CTDSP2: variants seen among roughly 807,000 people sequenced by gnomAD.
The protein encoded by CTDSP2 is carboxy-terminal domain RNA polymerase II polypeptide A small phosphatase 2.
In CTDSP2, 9 loss-of-function variants were observed where a neutral mutation model predicts 31.6. The observed-to-expected ratio is 0.28, with a 90% CI of 0.17 to 0.50. CTDSP2 has a LOEUF of 0.50. CTDSP2 is among the 20% of genes least tolerant of loss of function. The pLI is 0.98. For missense variants in CTDSP2, 267 were observed against 348.5 expected (o/e 0.77, Z 1.86); for synonymous variants, 134 against 134.5 (o/e 1.00, Z 0.03).
At chr12:57,828,620 T>C (rs961254124) in intron 2 of CTDSP2, among the ~76,000 whole-genome samples, 3 of 152,242 alleles carry the variant, frequency 2.0e-5, no homozygotes, top group African/African-American at 4.8e-5. Context: ...TACTTCTCCA[T>C]GTTATTGAGA....
intron 1 of CTDSP2, among the ~76,000 whole-genome samples, chr12:57,831,324 G>A (rs954206330): frequency 6.6e-6 from 1 of 151,866 alleles, no homozygotes; most frequent in East Asian, 2.0e-4. Context: ...CGTGTGGCAC[G>A]CGCTTGTAAT....
At position 57,824,432 on chromosome 12, in the gene CTDSP2, C is replaced by G. The variant is rs1036968797; in HGVS notation, c.412-113G>C. 5 of 807,292 alleles carry G rather than the reference C, an allele frequency of 6.2e-6. No individual in the cohort carries two copies. The Admixed American group carries it at 9.9e-5, about 16-fold the overall frequency. 50.0% of individuals were successfully genotyped at this position (807,292 alleles called of 1,614,324 possible). On this transcript the variant is annotated intron_variant, in intron 5 of 7. Coordinates refer to ENST00000398073, the MANE Select transcript of CTDSP2 (RefSeq NM_005730.4). The stretch of plus-strand genomic sequence containing the variant: ...GGAGCTCTCAACCCCTGCAGCCCAG[C>G]CTCCTGGGCTACCTGGCTGGAAGCC...
chr12:57,828,592 C>T (rs1956197550), intron 2 of CTDSP2, among the ~76,000 whole-genome samples: 1 of 152,218 alleles, frequency 6.6e-6, no homozygotes, highest in Non-Finnish European at 1.5e-5. Flanking sequence ...TGCCTTTTTA[C>T]TTAATGTTGC....
chr12:57,842,450 C>A (rs1956288245), intron 1 of CTDSP2: 1 of 152,198 alleles, frequency 6.6e-6, no homozygotes, highest in Admixed American at 6.5e-5. Flanking sequence ...CTGCCATCCT[C>A]CGAGGGATTT....
chr12:57,846,339 C>T (rs1481299836), intron 1 of CTDSP2, 33 bp downstream of exon 1: 2 of 1,582,542 alleles, frequency 1.3e-6, no homozygotes, highest in Admixed American at 1.8e-5. Context: ...CGCCCGGGGG[C>T]GACGCAAAGT....
Position 57,826,410 on chromosome 12 carries a change from G to A in CTDSP2, c.355-8C>T, listed in dbSNP as rs1415909955. Reference sequence around the variant, plus strand: ...GTCAGCATTGTTGATTGGCTGGAAGGCAGAAAAGTTAATGCTGTCAGCATG... The same window carrying A: ...GTCAGCATTGTTGATTGGCTGGAAGACAGAAAAGTTAATGCTGTCAGCATG... On this transcript the variant is annotated splice_polypyrimidine_tract_variant and splice_region_variant and intron_variant, in intron 4 of 7. Coordinates refer to ENST00000398073, the MANE Select transcript of CTDSP2 (RefSeq NM_005730.4). 6.2e-7 allele frequency: 1 copy of A among 1,614,008 alleles called. No homozygotes were observed. Among genetic ancestry groups the A allele is most frequent in the Non-Finnish European group, 8.5e-7 (1 of 1,179,880 alleles).
Position 57,826,979 on chromosome 12 carries a change from TC to T in CTDSP2, c.354+16del, listed in dbSNP as rs751024642. The stretch of plus-strand genomic sequence containing the variant: ...GGCCCAAGATAAAGGTAGGAAGGGT[TC>T]CAGACATTGAGTTACCTTAAAGGAG... On this transcript the variant is annotated intron_variant, in intron 4 of 7. Transcript: ENST00000398073. The T allele has an allele frequency of 3.7e-5, 58 of 1,580,496 alleles. No individual in the cohort carries two copies. Among genetic ancestry groups the T allele is most frequent in the Non-Finnish European group, 4.8e-5 (55 of 1,151,456 alleles).
At chr12:57,845,132 A>G (rs926116735) in intron 1 of CTDSP2, among the ~76,000 whole-genome samples, 18 of 152,134 alleles carry the variant, frequency 1.2e-4, no homozygotes, top group African/African-American at 4.3e-4. Flanking sequence ...GTTCAACTGC[A>G]GCACCGGCCC....
chr12:57,840,580 C>T (rs895376240), intron 1 of CTDSP2, among the ~76,000 whole-genome samples: 1 of 152,122 alleles, frequency 6.6e-6, no homozygotes, highest in Admixed American at 6.6e-5. Flanking sequence ...GGAAGCCTTC[C>T]GCAGGCAATT....
At chr12:57,827,214 G>C (rs992220307) in intron 3 of CTDSP2, 117 bp from the exon 4 acceptor site, 4 of 732,490 alleles carry the variant, frequency 5.5e-6, no homozygotes, top group African/African-American at 5.2e-5. Context: ...ACCCAGGATA[G>C]GCACCACTTA....
chr12:57,845,138 G>C (rs1268333979), intron 1 of CTDSP2, among the ~76,000 whole-genome samples: 1 of 152,160 alleles, frequency 6.6e-6, no homozygotes, highest in African/African-American at 2.4e-5. Context: ...CTGCAGCACC[G>C]GCCCTTCGCG....
chr12:57,837,362 GC>G (rs1424158413), intron 1 of CTDSP2: 1 of 152,232 alleles, frequency 6.6e-6, no homozygotes, highest in African/African-American at 2.4e-5. Context: ...GCCGGACCCA[GC>G]TTAGCACCGG....
chr12:57,832,968 C>T (rs1956225843), intron 1 of CTDSP2, among the ~76,000 whole-genome samples: 1 of 152,108 alleles, frequency 6.6e-6, no homozygotes, highest in Admixed American at 6.6e-5. Context: ...TCAGGACAGA[C>T]GCTGACACAA....
rs1956189924 is a variant in CTDSP2, at chr12:57,827,479, CA to C, written c.252+72del. 37 of 1,532,962 alleles carry C rather than the reference CA, an allele frequency of 2.4e-5. 1 individual carries two copies. The highest frequency in any genetic ancestry group is 3.3e-5 in the Non-Finnish European group (36 of 1,107,250). 95.0% of individuals were successfully genotyped at this position (1,532,962 alleles called of 1,614,324 possible). ...GCTAGGCACCAAGGACTATGCACAT[CA>C]CCCTGCCCGTGGAGCTGGCAGGGAT... On this transcript the variant is annotated intron_variant, in intron 3 of 7. Coordinates refer to ENST00000398073, the MANE Select transcript of CTDSP2 (RefSeq NM_005730.4).
At chr12:57,831,186 T>A (rs1356061328) in intron 1 of CTDSP2, among the ~76,000 whole-genome samples, 6 of 149,462 alleles carry the variant, frequency 4.0e-5, no homozygotes, top group Admixed American at 4.0e-4. Flanking sequence ...CTGGGTGTGG[T>A]GGCTCACGCC....
At chr12:57,830,758 AT>A (rs1422386488) in intron 1 of CTDSP2, among the ~76,000 whole-genome samples, 1 of 151,886 alleles carries the variant, frequency 6.6e-6, no homozygotes, top group African/African-American at 2.4e-5. Flanking sequence ...TGATTTATTT[AT>A]TTTTTTGAGA....
At chr12:57,829,416 T>C (rs1308110699) in intron 2 of CTDSP2, 32 bp downstream of exon 2, 11 of 1,607,148 alleles carry the variant, frequency 6.8e-6, no homozygotes, top group African/African-American at 1.3e-5. Flanking sequence ...AGTCCCTTCA[T>C]TGCTGGCATC....
At chr12:57,834,408 A>G (rs895060885) in intron 1 of CTDSP2, among the ~76,000 whole-genome samples, 19 of 152,112 alleles carry the variant, frequency 1.2e-4, no homozygotes, top group African/African-American at 4.6e-4. Flanking sequence ...CTTGGGCAGG[A>G]TGTCAAAGTT....
rs115876295 is a variant in CTDSP2, at chr12:57,823,835, G to C, written c.690+69C>G. 1.4e-3 allele frequency: 2,192 copies of C among 1,607,914 alleles called. 25 individuals carry two copies. The African/African-American group carries it at 0.026, about 19-fold the overall frequency. On this transcript the variant is annotated intron_variant, in intron 7 of 7. Transcript: ENST00000398073. ...CTTCCTGGAGGGGTGTACTTCTCTG[G>C]TGGAGCCCACAGTTCCAGTCTGCTT... is the stretch of plus-strand genomic sequence containing the variant.
Sources: allele counts gnomAD v4.1 joint callset (sites outside exome capture counted in the v4.1 genomes callset), GRCh38; gene constraint gnomAD v4.1.1; transcripts MANE v1.5; gene names NCBI Gene and HGNC (gene_info 2026-07-23, HGNC 2026-07-21).